DLG2: variants seen among roughly 807,000 people sequenced by gnomAD.
DLG2 encodes the protein disks large homolog 2.
DLG2 carries 45 observed loss-of-function variants against 132.5 expected under a neutral mutation model. The observed-to-expected ratio is 0.34, with a 90% CI of 0.27 to 0.44. The LOEUF (loss-of-function observed/expected upper bound fraction) is 0.44, where lower values mean the gene tolerates loss of function less well. Ranked by LOEUF, DLG2 falls within the 20% of genes least tolerant of loss-of-function variation. DLG2 has a pLI of 1.00. For synonymous variants in DLG2, 424 were observed against 419.6 expected (o/e 1.01, Z -0.13); for missense variants, 1,045 against 1,196.9 (o/e 0.87, Z 1.87).
chr11:83,826,866 G>A (rs1244093555), intron 17 of DLG2, among the ~76,000 whole-genome samples: 3 of 152,160 alleles, frequency 2.0e-5, no homozygotes, highest in Non-Finnish European at 2.9e-5. Context: ...TCTGATTTAA[G>A]CTGTTTCACT....
intron 3 of DLG2, among the ~76,000 whole-genome samples, chr11:85,516,367 T>G (rs891882733): frequency 1.3e-5 from 2 of 151,854 alleles, no homozygotes; most frequent in African/African-American, 4.8e-5. Flanking sequence ...ATTAACAACC[T>G]AACATTGCAC....
chr11:84,933,388 T>C lies in DLG2; in HGVS notation c.357+178273A>G, dbSNP rs574009225. On this transcript the variant is annotated intron_variant, in intron 6 of 27. Coordinates refer to ENST00000376104, the MANE Select transcript of DLG2 (RefSeq NM_001142699.3). Reference sequence around the variant, plus strand: ...TCCATATGAATTTTAAAATAGTTTTTTCTAGTTCTGTGAAGAATCTAAATG... The same window carrying C: ...TCCATATGAATTTTAAAATAGTTTTCTCTAGTTCTGTGAAGAATCTAAATG... Among the ~76,000 whole-genome samples the C allele has an allele frequency of 8.5e-5, 13 of 152,330 alleles. No individual in the cohort carries two copies. In the East Asian group the frequency reaches 2.3e-3, roughly 27 times the overall value.
chr11:83,524,250 C>T lies in DLG2; in HGVS notation c.2193+8458G>A, dbSNP rs181880081. On this transcript the variant is annotated intron_variant, in intron 21 of 27. Coordinates refer to ENST00000376104, the MANE Select transcript of DLG2 (RefSeq NM_001142699.3). ...TCTGATTCCAAACTTTTCCACTGTGCCTGTGTATCTCAAATTAGTAGCATG... is the reference window on the plus strand; with the variant it reads ...TCTGATTCCAAACTTTTCCACTGTGTCTGTGTATCTCAAATTAGTAGCATG... Among the ~76,000 whole-genome samples the T allele has an allele frequency of 5.9e-3, 902 of 152,236 alleles. 27 individuals carry two copies. Among genetic ancestry groups the T allele is most frequent in the Non-Finnish European group, 1.0e-3 (71 of 68,008 alleles).
At chr11:85,169,155 T>C (rs572061817) in intron 4 of DLG2, among the ~76,000 whole-genome samples, 19 of 152,292 alleles carry the variant, frequency 1.2e-4, no homozygotes, top group African/African-American at 4.6e-4. Flanking sequence ...GCTATAAAAA[T>C]AGTTGTTGTA....
At chr11:83,918,432 G>A (rs753324323) in intron 15 of DLG2, among the ~76,000 whole-genome samples, 2 of 152,106 alleles carry the variant, frequency 1.3e-5, no homozygotes, top group Admixed American at 6.6e-5. Flanking sequence ...TTCTTCCTGT[G>A]GTAATTCTTT....
chr11:85,361,247 C>T (rs2084128176), intron 3 of DLG2, among the ~76,000 whole-genome samples: 1 of 152,118 alleles, frequency 6.6e-6, no homozygotes, highest in African/African-American at 2.4e-5. Context: ...ACTCCGCCTC[C>T]CTGGTTCAAG....
chr11:84,437,534 C>CA (rs2099004521), intron 7 of DLG2: 1 of 151,574 alleles, frequency 6.6e-6, no homozygotes. Context: ...GGCTCAGAGA[C>CA]GAACAGAATC....
chr11:84,156,283 T>A (rs2095427889), intron 9 of DLG2, among the ~76,000 whole-genome samples: 1 of 152,208 alleles, frequency 6.6e-6, no homozygotes, highest in South Asian at 2.1e-4. Flanking sequence ...CAAGTCCATG[T>A]CTTTGCGTAC....
intron 4 of DLG2, among the ~76,000 whole-genome samples, chr11:85,195,747 C>T (rs1409392797): frequency 6.6e-6 from 1 of 151,878 alleles, no homozygotes; most frequent in Non-Finnish European, 1.5e-5. Context: ...AGGATGGTCT[C>T]GATCTTCTGA....
chr11:85,180,292 T>A (rs2079603171), intron 4 of DLG2, among the ~76,000 whole-genome samples: 1 of 151,902 alleles, frequency 6.6e-6, no homozygotes, highest in Non-Finnish European at 1.5e-5. Context: ...ACATTTATTC[T>A]GTTCTTTATA....
At chr11:85,248,700 T>C (rs1408621227) in intron 4 of DLG2, among the ~76,000 whole-genome samples, 1 of 151,966 alleles carries the variant, frequency 6.6e-6, no homozygotes, top group Non-Finnish European at 1.5e-5. Flanking sequence ...GTTACTAAGG[T>C]CAAATAGGGA....
intron 21 of DLG2, among the ~76,000 whole-genome samples, chr11:83,497,578 A>G (rs1241208014): frequency 6.6e-6 from 1 of 151,874 alleles, no homozygotes. Flanking sequence ...AAACCCACAT[A>G]GTTTCTTTTT....
chr11:83,926,381 A>T (rs1346358288), intron 15 of DLG2, among the ~76,000 whole-genome samples: 1 of 152,198 alleles, frequency 6.6e-6, no homozygotes, highest in Non-Finnish European at 1.5e-5. Context: ...TGCTATATCA[A>T]TATGGGCAAG....
chr11:84,763,181 G>C (rs1330208796), intron 6 of DLG2: 1 of 152,170 alleles, frequency 6.6e-6, no homozygotes, highest in African/African-American at 2.4e-5. Flanking sequence ...ATAGGAGCTC[G>C]ACAGCATTTT....
At chr11:83,966,909 TG>T (rs2090333297) in intron 12 of DLG2, among the ~76,000 whole-genome samples, 1 of 152,048 alleles carries the variant, frequency 6.6e-6, no homozygotes, top group Admixed American at 6.6e-5. Flanking sequence ...CACCTCCCCC[TG>T]TAACCACTGT....
At chr11:84,963,797 C>T (rs896673835) in intron 6 of DLG2, among the ~76,000 whole-genome samples, 4 of 152,138 alleles carry the variant, frequency 2.6e-5, no homozygotes, top group East Asian at 1.9e-4. Flanking sequence ...GAGTTGCTTA[C>T]TCTGCAGGTA....
At chr11:85,367,338 C>T (rs1193226074) in intron 3 of DLG2, among the ~76,000 whole-genome samples, 2 of 152,094 alleles carry the variant, frequency 1.3e-5, no homozygotes, top group Non-Finnish European at 2.9e-5. Context: ...GAAGAGTTTA[C>T]TTAAACTTTC....
intron 19 of DLG2, among the ~76,000 whole-genome samples, chr11:83,597,537 A>G (rs1281701934): frequency 6.6e-6 from 1 of 152,074 alleles, no homozygotes; most frequent in Non-Finnish European, 1.5e-5. Context: ...TAAATAAATA[A>G]ATAAACAAAA....
chr11:85,319,331 G>A (rs887565216), intron 3 of DLG2, among the ~76,000 whole-genome samples: 5 of 151,614 alleles, frequency 3.3e-5, no homozygotes, highest in African/African-American at 1.2e-4. Context: ...TAAATATTAA[G>A]GTTTAACAAT....
Sources: allele counts gnomAD v4.1 joint callset (sites outside exome capture counted in the v4.1 genomes callset), GRCh38; gene constraint gnomAD v4.1.1; transcripts MANE v1.5; gene names NCBI Gene and HGNC (gene_info 2026-07-23, HGNC 2026-07-21).